The following ERCC2 variants were observed in gnomAD, a reference collection of about 807,000 sequenced individuals.
ERCC2 encodes general transcription and DNA repair factor IIH helicase subunit XPD.
A neutral mutation model predicts 99.4 loss-of-function variants in ERCC2; 90 were observed. That is an observed-to-expected ratio of 0.91 (90% CI 0.76 to 1.08). ERCC2 has a LOEUF of 1.08. Among genes scored for constraint, ERCC2 ranks in the 50% least tolerant of loss-of-function variants. ERCC2 has a pLI of 0.00. For missense variants in ERCC2, 993 were observed against 1,038.1 expected, an observed-to-expected ratio of 0.96 and a Z score of 0.60; for synonymous variants, 497 against 432.4, an observed-to-expected ratio of 1.15 and a Z score of -1.85.
At chr19:45,363,633 A>G in intron 11 of ERCC2, 110 bp downstream of exon 11, 2 of 1,264,260 alleles carry the variant, frequency 1.6e-6, no homozygotes, top group Admixed American at 2.4e-5. Flanking sequence ...CGCCCAGCTC[A>G]CTCACTCCTG....
In ERCC2 at chr19:45,350,661, ACT is replaced by A. The variant is rs528482467; in HGVS notation, c.*966_*967del. The A allele has an allele frequency of 3.1e-4, 494 of 1,612,472 alleles. 3 individuals are homozygous for A. In the East Asian group the frequency reaches 0.011, roughly 35 times the overall value. On this transcript the variant is annotated 3_prime_UTR_variant, in exon 23 of 23. Coordinates refer to ENST00000391945, the MANE Select transcript of ERCC2 (RefSeq NM_000400.4). The stretch of plus-strand genomic sequence containing the variant: ...CCCAGGCCCTTCGCCGCAGCAGCTC[ACT>A]CTCCAAGATCCGTGAGTCTATCAGG...
chr19:45,370,310 C>A, intron 1 of ERCC2, 78 bp from the exon 2 acceptor site: 1 of 1,576,374 alleles, frequency 6.3e-7, no homozygotes, highest in Non-Finnish European at 8.6e-7. Context: ...TCGTCGAGCC[C>A]AGAGAAGGGT....
At chr19:45,359,042 C>T (rs541578660) in intron 12 of ERCC2, 47 of 618,630 alleles carry the variant, frequency 7.6e-5, no homozygotes, top group Admixed American at 1.6e-4. Context: ...CGCATGGGTT[C>T]GCAGTCCAGT....
chr19:45,365,010 GCCTC>G, intron 6 of ERCC2, 28 bp downstream of exon 6: 1 of 1,609,370 alleles, frequency 6.2e-7, no homozygotes, highest in Non-Finnish European at 8.5e-7. Context: ...TACCTGTCCT[GCCTC>G]CCTCCCTCAG....
chr19:45,364,475 T>G lies in ERCC2; in HGVS notation c.667A>C (p.Lys223Gln). ...LDPKIADLVS[K>Q]ELARKAVVVF... ...ACGACGGCCTTGCGGGCCAGTTCCT[T>G]GGACACCAGGTCTGCAATCTTGGGG... is the stretch of plus-strand genomic sequence containing the variant. The change falls in exon 8 of 23, where the codon AAG becomes CAG. Residue 223 changes from lysine (K) to glutamine (Q), a missense_variant. Coordinates refer to ENST00000391945, the MANE Select transcript of ERCC2 (RefSeq NM_000400.4). 1 of 1,613,974 alleles carries G rather than the reference T, an allele frequency of 6.2e-7. No individual in the cohort carries two copies. The highest frequency in any genetic ancestry group is 8.5e-7 in the Non-Finnish European group (1 of 1,180,004).
intron 5 of ERCC2, among the ~76,000 whole-genome samples, chr19:45,365,734 T>G (rs999610542): frequency 4.6e-5 from 7 of 151,734 alleles, no homozygotes; most frequent in Non-Finnish European, 8.8e-5. Context: ...GAGGTTGCAG[T>G]GAGCCGAGAT....
chr19:45,357,241 C>T lies in ERCC2; in HGVS notation c.1479+29G>A, dbSNP rs752544600. On this transcript the variant is annotated intron_variant, in intron 15 of 22. Coordinates refer to ENST00000391945, the MANE Select transcript of ERCC2 (RefSeq NM_000400.4). Reference sequence around the variant, plus strand: ...GGCCCCTTGCCCCCATCTCCCCTCCCGGCCCCAGCCCTAGCCTCTCCCACT... The same window carrying T: ...GGCCCCTTGCCCCCATCTCCCCTCCTGGCCCCAGCCCTAGCCTCTCCCACT... The T allele has an allele frequency of 5.8e-5, 91 of 1,559,772 alleles. 1 individual carries two copies. Among genetic ancestry groups the T allele is most frequent in the Admixed American group, 1.0e-4 (6 of 58,436 alleles).
intron 12 of ERCC2, chr19:45,358,403 G>T: frequency 4.9e-6 from 1 of 203,940 alleles, no homozygotes; most frequent in Non-Finnish European, 1.0e-5. Context: ...CACTGCCCCC[G>T]ACCCCACGCG....
rs374098911 is a variant in ERCC2 at position 45,350,724 on chromosome 19, C to T, written c.*905G>A. On this transcript the variant is annotated 3_prime_UTR_variant, in exon 23 of 23. Coordinates refer to ENST00000391945, the MANE Select transcript of ERCC2 (RefSeq NM_000400.4). ...AGAAGCTGGTCTCCCGGCTCCGAGG[C>T]GAGGCGGCGGCAGGAGCAGCCGGGT... The T allele has an allele frequency of 1.1e-4, 170 of 1,612,866 alleles. No individual in the cohort carries two copies. Among genetic ancestry groups the T allele is most frequent in the South Asian group, 4.8e-4 (44 of 90,926 alleles).
In ERCC2 at chr19:45,364,509, G is replaced by C. The variant is rs112910027; in HGVS notation, c.633C>G (p.Tyr211Ter). Residue 211 changes from tyrosine (Y) to a stop codon, truncating the protein, a stop_gained, in exon 8 of 23, where the codon TAC (tyrosine) becomes TAG (stop). Coordinates refer to ENST00000391945, the MANE Select transcript of ERCC2 (RefSeq NM_000400.4). LOFTEE classifies it high-confidence loss of function. ...HANVVVYSYH[Y>*]LLDPKIADLV... ...GGTCTGCAATCTTGGGGTCCAGGAG[G>C]TAGTGGTAGCTATAAACCACCACAT... is the stretch of plus-strand genomic sequence containing the variant. The C allele has an allele frequency of 6.2e-7, 1 of 1,613,866 alleles. No individual in the cohort carries two copies. The highest frequency in any genetic ancestry group is 1.1e-5 in the South Asian group (1 of 91,074).
In ERCC2 at chr19:45,351,144, G is replaced by T. The variant is rs1280159990; in HGVS notation, c.*485C>A. On this transcript the variant is annotated 3_prime_UTR_variant, in exon 23 of 23. Transcript: ENST00000391945. ...GTGGGTTGGTGTCAGAAGAGACCCA[G>T]GACAGGAGCAAAGATGGGTTTTACT... 1.9e-6 allele frequency: 3 copies of T among 1,596,814 alleles called. No homozygotes were observed. Among genetic ancestry groups the T allele is most frequent in the African/African-American group, 2.7e-5 (2 of 74,542 alleles).
Position 45,352,559 on chromosome 19 carries a change from CCA to C in ERCC2, c.1991_1992del (p.Val664GlyfsTer109), listed in dbSNP as rs1287663770. On this transcript the variant is annotated frameshift_variant, in exon 21 of 23. Coordinates refer to ENST00000391945, the MANE Select transcript of ERCC2 (RefSeq NM_000400.4). LOFTEE classifies it high-confidence loss of function. ...FDAMRHAAQC[V>X]GRAIRGKTDY... ...TCCGTCTTGCCCCTGATGGCCCGAC[CCA>C]CACACTGGGCCGCGTGGCGCATGGC... The C allele has an allele frequency of 6.2e-7, 1 of 1,614,154 alleles. No individual in the cohort carries two copies. Among genetic ancestry groups the C allele is most frequent in the Non-Finnish European group, 8.5e-7 (1 of 1,180,042 alleles).
At position 45,367,910 on chromosome 19, in the gene ERCC2, T is replaced by A. The variant is rs1005883735; in HGVS notation, c.360+720A>T. On this transcript the variant is annotated intron_variant, in intron 5 of 22. Coordinates refer to ENST00000391945, the MANE Select transcript of ERCC2 (RefSeq NM_000400.4). ...ATATCATGACAATTTCTTTTTTTTT[T>A]TTTTTAAGACAGAGTCTCACTCTGT... Among the ~76,000 whole-genome samples the A allele has an allele frequency of 2.6e-5, 4 of 151,870 alleles. No homozygotes were observed. The East Asian group carries it at 7.7e-4, about 29-fold the overall frequency.
At chr19:45,363,408 T>C (rs373483922) in intron 11 of ERCC2, among the ~76,000 whole-genome samples, 2 of 152,138 alleles carry the variant, frequency 1.3e-5, no homozygotes, top group Admixed American at 6.5e-5. Context: ...CGCTGTGGCC[T>C]GGCTTAGCTC....
rs746218343 is a variant in ERCC2 at position 45,368,757 on chromosome 19, G to C, written c.247-14C>G. 6 of 1,596,412 alleles carry C rather than the reference G, an allele frequency of 3.8e-6. No individual in the cohort carries two copies. In the South Asian group the frequency reaches 6.7e-5, roughly 18 times the overall value. On this transcript the variant is annotated splice_polypyrimidine_tract_variant and intron_variant, in intron 4 of 22. Coordinates refer to ENST00000391945, the MANE Select transcript of ERCC2 (RefSeq NM_000400.4). Reference sequence around the variant, plus strand: ...CTCTTCAATCACCTACTCCAAAGTTGGGGGGCAGGGGGAGCTTGTGCTCAT... The same window carrying C: ...CTCTTCAATCACCTACTCCAAAGTTCGGGGGCAGGGGGAGCTTGTGCTCAT...
chr19:45,354,572 G>A (rs1389408463), intron 17 of ERCC2, among the ~76,000 whole-genome samples, 158 bp downstream of exon 17: 2 of 152,156 alleles, frequency 1.3e-5, no homozygotes, highest in Non-Finnish European at 2.9e-5. Context: ...GGGCATGGGG[G>A]TGTGTGCTGC....
chr19:45,359,602 T>C (rs189899145), intron 12 of ERCC2, among the ~76,000 whole-genome samples: 1 of 152,286 alleles, frequency 6.6e-6, no homozygotes. Flanking sequence ...CTCTTGTCCC[T>C]GGTCCCAAAA....
At chr19:45,355,640 G>A (rs1233040054) in intron 16 of ERCC2, 25 bp downstream of exon 16, 9 of 1,610,236 alleles carry the variant, frequency 5.6e-6, no homozygotes, top group Non-Finnish European at 7.6e-6. Context: ...GGAACCCACA[G>A]AAACCAGCCC....
In ERCC2 at chr19:45,364,562, AGCAGGGTTACCAGGGCCCT is replaced by A; in HGVS notation, c.595-34_595-16del. 2 of 1,611,784 alleles carry A rather than the reference AGCAGGGTTACCAGGGCCCT, an allele frequency of 1.2e-6. No homozygotes were observed. Among genetic ancestry groups the A allele is most frequent in the Non-Finnish European group, 1.7e-6 (2 of 1,179,936 alleles). Reference sequence around the variant, plus strand: ...GCATGCAGGATCTGGGGGGCCGGGGAGCAGGGTTACCAGGGCCCTGCCACCCCAACCCCTACCCCTACCC... The same window carrying A: ...GCATGCAGGATCTGGGGGGCCGGGGAGCCACCCCAACCCCTACCCCTACCC... On this transcript the variant is annotated splice_polypyrimidine_tract_variant and intron_variant, in intron 7 of 22. Transcript: ENST00000391945.
Sources: gnomAD v4.1 joint callset for allele counts (sites outside exome capture counted in the v4.1 genomes callset) on GRCh38, gnomAD v4.1.1 for gene constraint, MANE v1.5 for transcripts, NCBI Gene and HGNC (gene_info 2026-07-23, HGNC 2026-07-21) for gene names.